The following TCF4 variants were observed in gnomAD, a reference collection of about 807,000 sequenced individuals.
TCF4 encodes the protein SL3-3 enhancer factor 2.
TCF4 carries 3 observed loss-of-function variants against 82.1 expected under a neutral mutation model. The ratio of observed to expected loss-of-function variants is 0.04; its 90% confidence interval spans 0.02 to 0.09. The LOEUF (loss-of-function observed/expected upper bound fraction) is 0.09. Among genes scored for constraint, TCF4 ranks in the 10% least tolerant of loss-of-function variants. The pLI is 1.00. For missense variants in TCF4, 518 were observed against 852.7 expected (o/e 0.61, Z 4.89); for synonymous variants, 276 against 309.6 (o/e 0.89, Z 1.14).
Position 55,588,156 on chromosome 18 carries a change from C to CCCGCCGCCGCCGCCGCCGCCGCCG in TCF4, c.-140_-139insCGGCGGCGGCGGCGGCGGCGGCGG, listed in dbSNP as rs886053961. 9.3e-7 allele frequency: 1 copy of CCCGCCGCCGCCGCCGCCGCCGCCG among 1,079,326 alleles called. No individual in the cohort carries two copies. Among genetic ancestry groups the CCCGCCGCCGCCGCCGCCGCCGCCG allele is most frequent in the African/African-American group, 1.7e-5 (1 of 59,318 alleles). The allele number at this position is 1,079,326 out of a possible 1,614,324, so 66.9% of individuals were successfully genotyped here. A position where few individuals can be genotyped will look rare whatever the true frequency, so the allele number is the denominator to read the frequency against. ...CGCCCGCTCCCGCGCCTGCTGCCTC[C>CCCGCCGCCGCCGCCGCCGCCGCCG]CCGCCGCCGCCGCCGCCGCCGCCAC... is the stretch of plus-strand genomic sequence containing the variant. On this transcript the variant is annotated 5_prime_UTR_variant, in exon 1 of 20. Transcript: ENST00000354452.
chr18:55,582,395 G>A (rs904445427), intron 3 of TCF4, among the ~76,000 whole-genome samples: 1 of 151,980 alleles, frequency 6.6e-6, no homozygotes, highest in Non-Finnish European at 1.5e-5. Flanking sequence ...TAAGGTCATC[G>A]AAGCTCTGAA....
intron 8 of TCF4, among the ~76,000 whole-genome samples, chr18:55,343,866 G>A (rs532404360): frequency 6.3e-4 from 90 of 141,946 alleles, no homozygotes; most frequent in African/African-American, 2.4e-3. Flanking sequence ...ACACACACGC[G>A]TGCACACACA....
At chr18:55,488,732 T>C (rs2096544486) in intron 3 of TCF4, among the ~76,000 whole-genome samples, 4 of 152,226 alleles carry the variant, frequency 2.6e-5, no homozygotes, top group Admixed American at 1.3e-4. Flanking sequence ...CCTTGGCTCC[T>C]GCAGCTTAGG....
At chr18:55,246,948 A>C (rs149010710) in intron 15 of TCF4, among the ~76,000 whole-genome samples, 128 of 152,318 alleles carry the variant, frequency 8.4e-4, no homozygotes, top group African/African-American at 2.7e-3. Flanking sequence ...TTTAGAAAAT[A>C]GTTTTGAAAG....
chr18:55,594,420 C>G (rs2097688778), intron 2 of TCF4, among the ~76,000 whole-genome samples: 1 of 152,156 alleles, frequency 6.6e-6, no homozygotes, highest in Non-Finnish European at 1.5e-5. Flanking sequence ...TTGTCCACTC[C>G]ATGTCTCTAC....
chr18:55,288,371 T>G (rs1320800448), intron 8 of TCF4, among the ~76,000 whole-genome samples: 4 of 152,340 alleles, frequency 2.6e-5, no homozygotes, highest in Admixed American at 2.6e-4. Flanking sequence ...ATCCTATTGT[T>G]GCATGATCAT....
At chr18:55,428,286 T>C (rs2095064046) in intron 5 of TCF4, among the ~76,000 whole-genome samples, 1 of 152,216 alleles carries the variant, frequency 6.6e-6, no homozygotes, top group Admixed American at 6.5e-5. Flanking sequence ...CATGCTCTTT[T>C]GTTCTCAATT....
At chr18:55,476,450 G>A (rs1208612882) in intron 3 of TCF4, among the ~76,000 whole-genome samples, 5 of 149,740 alleles carry the variant, frequency 3.3e-5, no homozygotes, top group Admixed American at 6.7e-5. Context: ...TGAAGCCCTC[G>A]TTGTTTTTTT....
chr18:55,502,724 G>A (rs1276090885), intron 3 of TCF4, among the ~76,000 whole-genome samples: 2 of 152,120 alleles, frequency 1.3e-5, no homozygotes, highest in Non-Finnish European at 2.9e-5. Flanking sequence ...TCACAAAGGA[G>A]AACTGATTTT....
At chr18:55,401,379 T>A (rs1371843074) in intron 6 of TCF4, 1 of 1,104,018 alleles carries the variant, frequency 9.1e-7, no homozygotes, top group Non-Finnish European at 1.1e-6. Context: ...AAGCACAAAT[T>A]AAGAATGAAG....
intron 8 of TCF4, among the ~76,000 whole-genome samples, chr18:55,338,376 G>C (rs1450455248): frequency 1.3e-5 from 2 of 152,198 alleles, no homozygotes; most frequent in African/African-American, 4.8e-5. Context: ...AGGGGACGGA[G>C]AGGCACTATC....
exon 1 of TCF4, chr18:55,635,930 C>T: frequency 6.3e-7 from 1 of 1,579,132 alleles, no homozygotes; most frequent in Non-Finnish European, 8.6e-7. Flanking sequence ...AAGTGCCAAT[C>T]TACAAGAAAG....
intron 8 of TCF4, among the ~76,000 whole-genome samples, chr18:55,309,680 A>G (rs961193454): frequency 5.3e-5 from 8 of 152,250 alleles, no homozygotes; most frequent in African/African-American, 1.9e-4. Context: ...ATTAAAAGTC[A>G]CAGTAAGATT....
rs1261113 is a variant in TCF4 at position 55,270,574 on chromosome 18, C to T, written c.790-611G>A. Among the ~76,000 whole-genome samples, 253 of 152,214 alleles carry T rather than the reference C, an allele frequency of 1.7e-3. 2 individuals are homozygous for T. The highest frequency in any genetic ancestry group is 5.8e-3 in the African/African-American group (243 of 41,554). On this transcript the variant is annotated intron_variant, in intron 10 of 19. Coordinates refer to ENST00000354452, the MANE Select transcript of TCF4 (RefSeq NM_001083962.2). ...TTGACTATACTGAATTAAATTAGGA[C>T]CACATGACTTATTTTGGTTTGAGTA...
chr18:55,485,087 G>A (rs1327164026), intron 3 of TCF4, among the ~76,000 whole-genome samples: 1 of 152,202 alleles, frequency 6.6e-6, no homozygotes. Flanking sequence ...CAAGGAAAGA[G>A]ACACATCAGT....
At chr18:55,612,689 G>A (rs921172695) in intron 2 of TCF4, among the ~76,000 whole-genome samples, 15 of 151,898 alleles carry the variant, frequency 9.9e-5, no homozygotes, top group African/African-American at 3.4e-4. Context: ...AGCCAGGCCC[G>A]GTAATCCCAG....
At chr18:55,550,051 G>A (rs558174137) in intron 3 of TCF4, among the ~76,000 whole-genome samples, 5 of 152,068 alleles carry the variant, frequency 3.3e-5, no homozygotes, top group Admixed American at 6.6e-5. Context: ...ATTAATGTAG[G>A]AACTTTTAAC....
intron 3 of TCF4, among the ~76,000 whole-genome samples, chr18:55,564,031 C>T (rs192420718): frequency 6.6e-6 from 1 of 152,240 alleles, no homozygotes; most frequent in East Asian, 1.9e-4. Flanking sequence ...AAATTCAGCA[C>T]GCACTGAACC....
intron 15 of TCF4, among the ~76,000 whole-genome samples, chr18:55,248,085 G>A (rs1033493120): frequency 6.6e-6 from 1 of 152,154 alleles, no homozygotes; most frequent in African/African-American, 2.4e-5. Context: ...TAGAAATGAA[G>A]TATGCACTCA....
Sources: allele counts gnomAD v4.1 joint callset (sites outside exome capture counted in the v4.1 genomes callset), GRCh38; gene constraint gnomAD v4.1.1; transcripts MANE v1.5; gene names NCBI Gene and HGNC (gene_info 2026-07-23, HGNC 2026-07-21).